The following ARIH1 variants were observed in gnomAD, a reference collection of about 807,000 sequenced individuals.
ARIH1 encodes the protein E3 ubiquitin-protein ligase ARIH1.
Under a neutral mutation model 85.0 loss-of-function variants are expected in ARIH1, and 8 were observed. That is an observed-to-expected ratio of 0.09 (90% CI 0.06 to 0.17). The LOEUF (loss-of-function observed/expected upper bound fraction) is 0.17. Among genes scored for constraint, ARIH1 ranks in the 10% least tolerant of loss-of-function variants. The probability of loss-of-function intolerance (pLI) is 1.00; values close to 1 mark genes in which losing one functional copy is unlikely to be tolerated. For missense variants in ARIH1, 311 were observed against 718.1 expected (o/e 0.43, Z 6.48); for synonymous variants, 238 against 253.6 (o/e 0.94, Z 0.59).
chr15:72,598,893 T>TTG lies in ARIH1; in HGVS notation c.*15601_*15602insTG, dbSNP rs1266591716. 1 of 151,088 alleles carries TTG rather than the reference T, an allele frequency of 6.6e-6. No individual in the cohort carries two copies. Among genetic ancestry groups the TTG allele is most frequent in the African/African-American group, 2.4e-5 (1 of 41,182 alleles). The allele number at this position is 151,088 out of a possible 1,614,324, so 9.4% of individuals were successfully genotyped here. On this transcript the variant is annotated 3_prime_UTR_variant, in exon 14 of 14. Transcript: ENST00000379887. ...CCACCATGCCTGGCTTTTTTTTTTT[T>TTG]GTAGAGTTTGGGTCTCGCTATGTTG... is the stretch of plus-strand genomic sequence containing the variant.
chr15:72,542,635 TA>T (rs1478494993), intron 2 of ARIH1, among the ~76,000 whole-genome samples: 2 of 152,300 alleles, frequency 1.3e-5, no homozygotes, highest in East Asian at 3.9e-4. Flanking sequence ...GTCTGTTAGA[TA>T]TTGTCTAGTG....
At chr15:72,546,739 G>A (rs2064130710) in intron 3 of ARIH1, among the ~76,000 whole-genome samples, 1 of 151,750 alleles carries the variant, frequency 6.6e-6, no homozygotes, top group African/African-American at 2.4e-5. Flanking sequence ...GTGTGTGTGT[G>A]TTTTGTTTGT....
At chr15:72,568,426 T>C (rs2064230176) in intron 9 of ARIH1, among the ~76,000 whole-genome samples, 1 of 152,220 alleles carries the variant, frequency 6.6e-6, no homozygotes, top group Non-Finnish European at 1.5e-5. Flanking sequence ...TTTTTCTACA[T>C]CTAGAGAAAT....
chr15:72,518,154 GC>G lies in ARIH1; in HGVS notation c.443+21del, dbSNP rs757864608. On this transcript the variant is annotated intron_variant, in intron 2 of 13. Coordinates refer to ENST00000379887, the MANE Select transcript of ARIH1 (RefSeq NM_005744.5). ...GGAAAGGTAAGGAACTATATTGTCA[GC>G]TTTGTACTTAGAAGTAACACAGAAA... The G allele has an allele frequency of 6.3e-7, 1 of 1,576,956 alleles. No individual in the cohort carries two copies. Among genetic ancestry groups the G allele is most frequent in the Non-Finnish European group, 8.7e-7 (1 of 1,152,206 alleles).
At chr15:72,566,664 T>G (rs898140626) in intron 8 of ARIH1, 59 bp downstream of exon 8, 3 of 1,409,322 alleles carry the variant, frequency 2.1e-6, no homozygotes, top group African/African-American at 1.4e-5. Flanking sequence ...ACTTAGTGAC[T>G]AAAAATCATA....
Position 72,591,240 on chromosome 15 carries a change from A to AG in ARIH1, c.*7948_*7949insG, listed in dbSNP as rs2064341999. On this transcript the variant is annotated 3_prime_UTR_variant, in exon 14 of 14. Coordinates refer to ENST00000379887, the MANE Select transcript of ARIH1 (RefSeq NM_005744.5). ...GTCTCAAAAAAAAAAAAAAAAAAAA[A>AG]AAAGAAGAAGAAGAAGAAATACAAA... 6.6e-6 allele frequency: 1 copy of AG among 151,334 alleles called. No individual in the cohort carries two copies. The highest frequency in any genetic ancestry group is 2.4e-5 in the African/African-American group (1 of 41,164). 9.4% of individuals were successfully genotyped at this position (151,334 alleles called of 1,614,324 possible).
rs181642757 is a variant in ARIH1 at position 72,577,682 on chromosome 15, A to C, written c.1216-3049A>C. Among the ~76,000 whole-genome samples the C allele has an allele frequency of 2.8e-3, 427 of 150,466 alleles. 1 individual carries two copies. Among genetic ancestry groups the C allele is most frequent in the Non-Finnish European group, 4.6e-3 (305 of 66,850 alleles). On this transcript the variant is annotated intron_variant, in intron 11 of 13. Transcript: ENST00000379887. ...AGTGAGACTCCATCTCAAAACAAAA[A>C]ACAAACAAACAAAAAAACGGATCAT... is the stretch of plus-strand genomic sequence containing the variant.
intron 2 of ARIH1, among the ~76,000 whole-genome samples, chr15:72,525,884 TCTCAC>T: frequency 6.6e-6 from 1 of 152,098 alleles, no homozygotes; most frequent in Admixed American, 6.6e-5. Context: ...CAAGCGATCC[TCTCAC>T]CTCAGCCCCA....
intron 1 of ARIH1, among the ~76,000 whole-genome samples, chr15:72,481,188 A>G (rs2063815280): frequency 6.6e-6 from 1 of 152,202 alleles, no homozygotes; most frequent in Admixed American, 6.6e-5. Flanking sequence ...GTAAGTTTAA[A>G]TTACACTGAC....
chr15:72,512,399 T>C (rs753451832), intron 1 of ARIH1, among the ~76,000 whole-genome samples: 2 of 152,100 alleles, frequency 1.3e-5, no homozygotes, highest in Non-Finnish European at 2.9e-5. Context: ...GCCTGTTTTA[T>C]TGAGTTGATG....
intron 2 of ARIH1, among the ~76,000 whole-genome samples, chr15:72,536,319 AC>A (rs1181858784): frequency 6.6e-6 from 1 of 152,162 alleles, no homozygotes; most frequent in Non-Finnish European, 1.5e-5. Context: ...CTGGTTCCGA[AC>A]TCTGGGCTTG....
intron 1 of ARIH1, among the ~76,000 whole-genome samples, chr15:72,504,708 T>A (rs1474600848): frequency 6.6e-6 from 1 of 152,172 alleles, no homozygotes; most frequent in Non-Finnish European, 1.5e-5. Flanking sequence ...TGGGAGAGAA[T>A]CGGCAGACGG....
rs1210776359 is a variant in ARIH1, at chr15:72,591,675, A to G, written c.*8383A>G. ...AGAGGAAGTACAGCATAAAATAATA[A>G]CCAGCATTTGTAGAGCACTTCTTGT... On this transcript the variant is annotated 3_prime_UTR_variant, in exon 14 of 14. Transcript: ENST00000379887. 6.6e-6 allele frequency: 1 copy of G among 152,224 alleles called. No homozygotes were observed. The highest frequency in any genetic ancestry group is 1.5e-5 in the Non-Finnish European group (1 of 68,036). 9.4% of individuals were successfully genotyped at this position (152,224 alleles called of 1,614,324 possible).
At chr15:72,548,656 A>G (rs898895477) in intron 3 of ARIH1, among the ~76,000 whole-genome samples, 2 of 152,222 alleles carry the variant, frequency 1.3e-5, no homozygotes, top group African/African-American at 4.8e-5. Flanking sequence ...AGACTCATAT[A>G]GAAGGATAAT....
chr15:72,504,334 G>A (rs890922420), intron 1 of ARIH1, among the ~76,000 whole-genome samples: 1 of 152,106 alleles, frequency 6.6e-6, no homozygotes, highest in African/African-American at 2.4e-5. Context: ...GGATTACAGT[G>A]TGAGCCACCG....
intron 1 of ARIH1, among the ~76,000 whole-genome samples, chr15:72,487,291 C>T (rs1193544229): frequency 6.6e-6 from 1 of 152,112 alleles, no homozygotes; most frequent in Non-Finnish European, 1.5e-5. Flanking sequence ...CCCAGGCTTG[C>T]TTTGCCATTG....
chr15:72,501,903 CT>C lies in ARIH1; in HGVS notation c.376-16163del, dbSNP rs556882889. ...TTTTATCAATAGGGCTTTTTTGCCC[CT>C]ATAAGGAATAGCCAGTTAAGAGACT... On this transcript the variant is annotated intron_variant, in intron 1 of 13. Coordinates refer to ENST00000379887, the MANE Select transcript of ARIH1 (RefSeq NM_005744.5). Among the ~76,000 whole-genome samples, 111 of 152,146 alleles carry C rather than the reference CT, an allele frequency of 7.3e-4. 1 individual carries two copies. The highest frequency in any genetic ancestry group is 2.6e-3 in the African/African-American group (106 of 41,506).
intron 3 of ARIH1, among the ~76,000 whole-genome samples, chr15:72,549,852 G>A (rs1359024464): frequency 6.6e-6 from 1 of 152,014 alleles, no homozygotes; most frequent in Non-Finnish European, 1.5e-5. Flanking sequence ...TCTCTTGATC[G>A]GATGTATTTG....
intron 11 of ARIH1, among the ~76,000 whole-genome samples, chr15:72,574,933 CAAAG>C (rs1249867915): frequency 1.0e-4 from 12 of 114,774 alleles, no homozygotes; most frequent in East Asian, 8.3e-4. Context: ...AAAAAAAAAA[CAAAG>C]AAGGTTTTTA....
Sources: gnomAD v4.1 joint callset for allele counts (sites outside exome capture counted in the v4.1 genomes callset) on GRCh38, gnomAD v4.1.1 for gene constraint, MANE v1.5 for transcripts, NCBI Gene and HGNC (gene_info 2026-07-23, HGNC 2026-07-21) for gene names.